CCDC102B: variants seen among roughly 807,000 people sequenced by gnomAD.
The protein encoded by CCDC102B is coiled-coil domain containing 102B.
CCDC102B carries 75 observed loss-of-function variants against 57.4 expected under a neutral mutation model. The ratio of observed to expected loss-of-function variants is 1.31; its 90% CI spans 1.08 to 1.58. The LOEUF is 1.58. Ranked by LOEUF, CCDC102B falls within the 40% of genes most tolerant of loss-of-function variation. The pLI is 0.00. For missense variants in CCDC102B, 636 were observed against 582.6 expected (o/e 1.09, Z -0.94); for synonymous variants, 206 against 201.9 (o/e 1.02, Z -0.17).
intron 7 of CCDC102B, among the ~76,000 whole-genome samples, chr18:69,047,297 T>A (rs1013622044): frequency 6.6e-6 from 1 of 152,114 alleles, no homozygotes; most frequent in African/African-American, 2.4e-5. Context: ...AACCACATGA[T>A]TATCTCAATA....
At chr18:69,023,332 T>C (rs1433531912) in intron 7 of CCDC102B, among the ~76,000 whole-genome samples, 1 of 152,046 alleles carries the variant, frequency 6.6e-6, no homozygotes, top group Non-Finnish European at 1.5e-5. Flanking sequence ...AGAATGTAAG[T>C]AAAAAAACAG....
At chr18:68,752,013 G>T (rs978998258) in intron 2 of CCDC102B, among the ~76,000 whole-genome samples, 1 of 152,186 alleles carries the variant, frequency 6.6e-6, no homozygotes, top group African/African-American at 2.4e-5. Context: ...TATAATCCCA[G>T]CACTTTGGGA....
chr18:68,763,908 C>G (rs565557470), intron 2 of CCDC102B, among the ~76,000 whole-genome samples: 1 of 151,942 alleles, frequency 6.6e-6, no homozygotes, highest in Non-Finnish European at 1.5e-5. Flanking sequence ...ATAATAATTA[C>G]CCTTTGTTGA....
At chr18:68,715,349 T>C (rs185521873) in exon 1 of CCDC102B, 1 of 794,844 alleles carries the variant, frequency 1.3e-6, no homozygotes, top group Admixed American at 5.0e-5. Flanking sequence ...GTGAAAGTTA[T>C]GCTGAGGGTG....
intron 1 of CCDC102B, among the ~76,000 whole-genome samples, chr18:68,822,662 G>A (rs1942289): frequency 0.43 from 65,611 of 151,834 alleles, 15,457 homozygotes; most frequent in East Asian, 0.86. Context: ...AATGTCTATT[G>A]TTTCCATTTT....
intron 6 of CCDC102B, among the ~76,000 whole-genome samples, chr18:68,916,931 G>A (rs918686454): frequency 1.3e-5 from 2 of 152,190 alleles, no homozygotes; most frequent in Non-Finnish European, 2.9e-5. Flanking sequence ...GGAGAGAGGA[G>A]CAAATGCCAA....
chr18:68,715,697 A>G (rs990055375), intron 1 of CCDC102B: 12 of 152,134 alleles, frequency 7.9e-5, no homozygotes, highest in African/African-American at 2.9e-4. Context: ...CTCTTTTCTG[A>G]TTATTTTGGA....
intron 2 of CCDC102B, among the ~76,000 whole-genome samples, chr18:68,759,040 A>C (rs2034161418): frequency 6.6e-6 from 1 of 151,792 alleles, no homozygotes; most frequent in Non-Finnish European, 1.5e-5. Context: ...AACAAACAAA[A>C]AAACAACCAA....
At chr18:68,755,802 A>G (rs1428969975) in intron 2 of CCDC102B, among the ~76,000 whole-genome samples, 1 of 151,550 alleles carries the variant, frequency 6.6e-6, no homozygotes, top group Non-Finnish European at 1.5e-5. Flanking sequence ...GAAAAACCAT[A>G]AGAATCAATC....
At chr18:68,908,982 G>A (rs1200041785) in intron 6 of CCDC102B, among the ~76,000 whole-genome samples, 2 of 151,904 alleles carry the variant, frequency 1.3e-5, no homozygotes, top group African/African-American at 2.4e-5. Context: ...TAAACACAAG[G>A]TAATGATTGG....
intron 6 of CCDC102B, among the ~76,000 whole-genome samples, chr18:68,967,470 A>G (rs1179700891): frequency 6.6e-6 from 1 of 152,186 alleles, no homozygotes; most frequent in Non-Finnish European, 1.5e-5. Context: ...TCATAATTAT[A>G]AATGAATAAG....
intron 2 of CCDC102B, among the ~76,000 whole-genome samples, chr18:68,732,200 G>C (rs2032902126): frequency 6.6e-6 from 1 of 151,678 alleles, no homozygotes; most frequent in Non-Finnish European, 1.5e-5. Flanking sequence ...GAAGCACAGG[G>C]CTTTTCTTCT....
chr18:68,944,934 C>G (rs1202642663), intron 6 of CCDC102B, among the ~76,000 whole-genome samples: 1 of 152,046 alleles, frequency 6.6e-6, no homozygotes, highest in Admixed American at 6.6e-5. Context: ...TGGGCAATCT[C>G]TTGTGATTCC....
At chr18:69,057,476 C>T (rs1319675241), downstream of CCDC102B, among the ~76,000 whole-genome samples, 1 of 151,954 alleles carries the variant, frequency 6.6e-6, no homozygotes, top group East Asian at 1.9e-4. Context: ...GGCTGGGCCT[C>T]TCCCTTGTTC....
intron 1 of CCDC102B, among the ~76,000 whole-genome samples, chr18:68,808,339 A>G (rs1041547028): frequency 6.6e-6 from 1 of 152,072 alleles, no homozygotes; most frequent in South Asian, 2.1e-4. Context: ...CATTTTGTCA[A>G]TATATTACTA....
intron 2 of CCDC102B, among the ~76,000 whole-genome samples, chr18:68,768,621 T>C (rs968668321): frequency 6.6e-6 from 1 of 152,162 alleles, no homozygotes; most frequent in Non-Finnish European, 1.5e-5. Flanking sequence ...AAGTTCAATA[T>C]AGTGAGATTT....
intron 5 of CCDC102B, among the ~76,000 whole-genome samples, chr18:68,875,693 A>G (rs1036838789): frequency 6.6e-6 from 1 of 152,162 alleles, no homozygotes; most frequent in Non-Finnish European, 1.5e-5. Flanking sequence ...GGTCAACTCC[A>G]TAAGCATCTC....
At chr18:68,774,111 A>G (rs1271212418) in intron 2 of CCDC102B, among the ~76,000 whole-genome samples, 1 of 152,016 alleles carries the variant, frequency 6.6e-6, no homozygotes. Flanking sequence ...CTTTGAAGTT[A>G]TAATTTTTAT....
chr18:68,853,562 A>G (rs2038233070), intron 4 of CCDC102B, among the ~76,000 whole-genome samples: 1 of 149,812 alleles, frequency 6.7e-6, no homozygotes, highest in Non-Finnish European at 1.5e-5. Context: ...GATTTTTATT[A>G]TGTTTTCTGT....
Sources: allele counts gnomAD v4.1 joint callset (sites outside exome capture counted in the v4.1 genomes callset), GRCh38; gene constraint gnomAD v4.1.1; transcripts MANE v1.5; gene names NCBI Gene and HGNC (gene_info 2026-07-23, HGNC 2026-07-21).